TNS3: variants seen among roughly 807,000 people sequenced by gnomAD.
TNS3 encodes the protein tensin-3.
In TNS3, 45 loss-of-function variants were observed where a neutral mutation model predicts 140.9. That is an observed-to-expected ratio of 0.32 (90% CI 0.25 to 0.41). The LOEUF is 0.41. Among genes scored for constraint, TNS3 ranks in the 10% least tolerant of loss-of-function variants. The pLI, the probability that TNS3 is intolerant of heterozygous loss-of-function variation, is 1.00. For synonymous variants in TNS3, 815 were observed against 788.4 expected (o/e 1.03, Z -0.56); for missense variants, 1,716 against 1,906.7 (o/e 0.90, Z 1.86).
At chr7:47,401,347 C>T (rs1793153579) in intron 13 of TNS3, among the ~76,000 whole-genome samples, 1 of 152,206 alleles carries the variant, frequency 6.6e-6, no homozygotes, top group African/African-American at 2.4e-5. Flanking sequence ...GATCTCAATG[C>T]TCCATGTTGC....
intron 4 of TNS3, among the ~76,000 whole-genome samples, chr7:47,457,180 G>A (rs536010804): frequency 1.4e-4 from 15 of 104,604 alleles, no homozygotes; most frequent in African/African-American, 5.6e-4. Context: ...GGAAGGGAGG[G>A]GAGGGGAGGG....
intron 16 of TNS3, among the ~76,000 whole-genome samples, chr7:47,389,313 C>T (rs1222026449): frequency 6.6e-6 from 1 of 152,182 alleles, no homozygotes; most frequent in Non-Finnish European, 1.5e-5. Flanking sequence ...GGGTACCCTT[C>T]CTCCCAGGAA....
intron 30 of TNS3, chr7:47,278,722 C>T (rs1784987150): frequency 1.3e-5 from 2 of 154,012 alleles, no homozygotes; most frequent in South Asian, 2.0e-4. Flanking sequence ...ACACTAGGCG[C>T]TCCTCTCAGG....
intron 20 of TNS3, among the ~76,000 whole-genome samples, chr7:47,322,291 A>G (rs1787784692): frequency 6.6e-6 from 1 of 151,596 alleles, no homozygotes; most frequent in Non-Finnish European, 1.5e-5. Context: ...TGGGAGACTG[A>G]CGCAGGCGGA....
At chr7:47,336,127 A>G (rs1319580412) in intron 20 of TNS3, among the ~76,000 whole-genome samples, 1 of 152,008 alleles carries the variant, frequency 6.6e-6, no homozygotes, top group Non-Finnish European at 1.5e-5. Context: ...AAATGCAGAA[A>G]GATCTCTTTG....
intron 1 of TNS3, among the ~76,000 whole-genome samples, chr7:47,575,380 T>C (rs1053136727): frequency 4.6e-5 from 7 of 152,230 alleles, no homozygotes; most frequent in Non-Finnish European, 1.0e-4. Context: ...ACAAGAAGGC[T>C]AAAATATGAA....
At chr7:47,520,685 C>T (rs1014382571) in intron 2 of TNS3, among the ~76,000 whole-genome samples, 8 of 152,178 alleles carry the variant, frequency 5.3e-5, no homozygotes, top group Non-Finnish European at 1.2e-4. Flanking sequence ...TGCTTCCCAT[C>T]GGATAACCAC....
Position 47,368,672 on chromosome 7 carries a change from C to T in TNS3, c.1974G>A (p.Gln658=), listed in dbSNP as rs775921731. Residue 658 remains glutamine, a synonymous_variant, in exon 17 of 31, where the codon CAG becomes CAA. Coordinates refer to ENST00000311160, the MANE Select transcript of TNS3 (RefSeq NM_022748.12). ...GTTTGAACGCTTTGCTGGGAGAGGG[C>T]TGCTGTGTGTCAGGGGGATGTGGCC... The part of the protein sequence containing the change: ...GSGPHPPDTQ[Q]PSPSKAFKPR... 1.0e-5 allele frequency: 16 copies of T among 1,599,084 alleles called. No individual in the cohort carries two copies. The highest frequency in any genetic ancestry group is 1.7e-4 in the Middle Eastern group (1 of 6,016).
At chr7:47,487,542 G>A (rs1797657601) in intron 3 of TNS3, among the ~76,000 whole-genome samples, 2 of 152,230 alleles carry the variant, frequency 1.3e-5, no homozygotes, top group South Asian at 4.1e-4. Flanking sequence ...CCACAGCAAT[G>A]AAACGGGCGT....
chr7:47,548,744 A>C (rs989876052), intron 1 of TNS3, among the ~76,000 whole-genome samples: 7 of 151,980 alleles, frequency 4.6e-5, no homozygotes, highest in African/African-American at 1.7e-4. Context: ...CTGCCGGCTG[A>C]TGGTCCTGAC....
intron 4 of TNS3, among the ~76,000 whole-genome samples, chr7:47,472,208 C>T (rs114538302): frequency 0.019 from 2,842 of 152,296 alleles, 81 homozygotes; most frequent in African/African-American, 0.065. Flanking sequence ...CCAGCATGAC[C>T]TCATCTCTGT....
intron 20 of TNS3, among the ~76,000 whole-genome samples, chr7:47,320,833 A>G (rs567465208): frequency 6.6e-6 from 1 of 152,350 alleles, no homozygotes; most frequent in Non-Finnish European, 1.5e-5. Flanking sequence ...GGGGAGATGC[A>G]GCCCCTCTAT....
At position 47,407,819 on chromosome 7, in the gene TNS3, GGA is replaced by G. The variant is rs1793531501; in HGVS notation, c.723+3906_723+3907del. Among the ~76,000 whole-genome samples the G allele has an allele frequency of 6.6e-6, 1 of 152,192 alleles. No individual in the cohort carries two copies. Among genetic ancestry groups the G allele is most frequent in the Admixed American group, 6.5e-5 (1 of 15,284 alleles). ...GAGAAGACAGCCACCTCCAGGTCAA[GGA>G]GAGAGGCCTCAGGAGAAACCACCCT... On this transcript the variant is annotated intron_variant, in intron 13 of 30. Transcript: ENST00000311160. This position sits in a 1 kb window ranked among gnomAD's most constrained non-coding sequence, Gnocchi z 4.1.
chr7:47,306,594 A>G (rs1414321067), intron 20 of TNS3, among the ~76,000 whole-genome samples: 1 of 149,122 alleles, frequency 6.7e-6, no homozygotes, highest in Non-Finnish European at 1.5e-5. Flanking sequence ...TTTTTTTTGG[A>G]GACGGAGTCT....
In TNS3 at chr7:47,401,055, T is replaced by G. The variant is rs1584572511; in HGVS notation, c.724-141A>C. On this transcript the variant is annotated intron_variant, in intron 13 of 30. Coordinates refer to ENST00000311160, the MANE Select transcript of TNS3 (RefSeq NM_022748.12). The stretch of plus-strand genomic sequence containing the variant: ...GGGAGTTCACGCTTTGGAGTGGAAC[T>G]TCAGCCCTGGGGCACAGGCGCCTGC... 3 of 1,290,798 alleles carry G rather than the reference T, an allele frequency of 2.3e-6. No homozygotes were observed. The South Asian group carries it at 4.4e-5, about 19-fold the overall frequency. 80.0% of individuals were successfully genotyped at this position (1,290,798 alleles called of 1,614,324 possible).
chr7:47,352,669 C>A (rs1789757194), intron 17 of TNS3, among the ~76,000 whole-genome samples: 1 of 152,204 alleles, frequency 6.6e-6, no homozygotes, highest in Non-Finnish European at 1.5e-5. Flanking sequence ...AGCATCTCCA[C>A]TGTAGAGGGG....
intron 3 of TNS3, among the ~76,000 whole-genome samples, chr7:47,505,331 G>C (rs1798374304): frequency 6.6e-6 from 1 of 152,226 alleles, no homozygotes; most frequent in Non-Finnish European, 1.5e-5. Flanking sequence ...AGCACCCCAG[G>C]AAAGGAGCCT....
At position 47,369,130 on chromosome 7, in the gene TNS3, G is replaced by A. The variant is rs1407920665; in HGVS notation, c.1516C>T (p.His506Tyr). Residue 506 changes from histidine (H) to tyrosine (Y), a missense_variant, in exon 17 of 31, where the codon CAC becomes TAC. His to Tyr is a moderately conservative substitution (Grantham distance 83). Transcript: ENST00000311160. ...TTGTGGCAGGTGAAGGGACCCAGGTGGGCCGACTGAGGCCCTTCCGAGGAG... is the reference window on the plus strand; with the variant it reads ...TTGTGGCAGGTGAAGGGACCCAGGTAGGCCGACTGAGGCCCTTCCGAGGAG... Reference protein sequence around the residue: ...LSSSEGPQSAHLGPFTCHKSS... With the variant: ...LSSSEGPQSAYLGPFTCHKSS... 1 of 1,613,920 alleles carries A rather than the reference G, an allele frequency of 6.2e-7. No homozygotes were observed. The highest frequency in any genetic ancestry group is 1.7e-5 in the Admixed American group (1 of 60,030).
At chr7:47,348,482 A>C (rs771879839) in intron 17 of TNS3, among the ~76,000 whole-genome samples, 1 of 152,242 alleles carries the variant, frequency 6.6e-6, no homozygotes, top group Non-Finnish European at 1.5e-5. Context: ...ACTTCTGTTC[A>C]ACATGCAAGA....
Sources: gnomAD v4.1 joint callset for allele counts (sites outside exome capture counted in the v4.1 genomes callset) on GRCh38, gnomAD v4.1.1 for gene constraint, Gnocchi (gnomAD v3.1) non-coding constraint, MANE v1.5 for transcripts, NCBI Gene and HGNC (gene_info 2026-07-23, HGNC 2026-07-21) for gene names.